Variants in SUGCT observed in about 807,000 individuals in gnomAD.
SUGCT encodes succinyl-CoA:glutarate CoA-transferase.
SUGCT carries 41 observed loss-of-function variants against 55.0 expected under a neutral mutation model. The observed-to-expected ratio is 0.74, with a 90% confidence interval of 0.58 to 0.97. The LOEUF is 0.97. Ranked by LOEUF, SUGCT falls within the 50% of genes least tolerant of loss-of-function variation. The probability of loss-of-function intolerance (pLI) is 0.00; values close to 1 mark genes in which losing one functional copy is unlikely to be tolerated. For missense variants in SUGCT, 568 were observed against 547.8 expected (o/e 1.04, Z -0.37); for synonymous variants, 187 against 200.4 (o/e 0.93, Z 0.56).
chr7:40,250,242 A>G (rs897379810), intron 7 of SUGCT, among the ~76,000 whole-genome samples: 2 of 152,124 alleles, frequency 1.3e-5, no homozygotes, highest in African/African-American at 2.4e-5. Flanking sequence ...TACAAAAAAT[A>G]CAAAAAAATT....
intron 13 of SUGCT, among the ~76,000 whole-genome samples, chr7:40,832,011 G>C (rs895805755): frequency 7.2e-5 from 11 of 152,190 alleles, no homozygotes; most frequent in Admixed American, 5.2e-4. Context: ...ATGTTGGGGG[G>C]TCTTGGGTGT....
At chr7:40,940,258 A>C in the SUGCT span, among the ~76,000 whole-genome samples, 1 of 152,292 alleles carries the variant, frequency 6.6e-6, no homozygotes, top group African/African-American at 2.4e-5. Flanking sequence ...TAACAGGACT[A>C]TGCTGCTTTG....
intron 8 of SUGCT, among the ~76,000 whole-genome samples, chr7:40,301,153 G>T (rs73320511): frequency 0.012 from 1,825 of 152,166 alleles, 29 homozygotes; most frequent in African/African-American, 0.042. Context: ...TTTAGTGTGT[G>T]TCTTTTACAC....
intron 12 of SUGCT, among the ~76,000 whole-genome samples, chr7:40,727,613 A>T (rs1028946044): frequency 2.1e-4 from 32 of 152,212 alleles, no homozygotes; most frequent in African/African-American, 7.2e-4. Context: ...TTCAGATTAG[A>T]ACTGAGTTTT....
chr7:40,257,709 C>T (rs1424495967), intron 7 of SUGCT, among the ~76,000 whole-genome samples: 1 of 151,912 alleles, frequency 6.6e-6, no homozygotes, highest in Non-Finnish European at 1.5e-5. Flanking sequence ...AACCCCGTCT[C>T]TACAAAAATA....
intron 12 of SUGCT, among the ~76,000 whole-genome samples, chr7:40,700,535 C>T (rs1018285926): frequency 1.3e-5 from 2 of 152,186 alleles, no homozygotes; most frequent in African/African-American, 4.8e-5. Flanking sequence ...ATTTGCTCTG[C>T]TTTCAAATCA....
At chr7:40,284,130 C>T (rs904967934) in intron 8 of SUGCT, among the ~76,000 whole-genome samples, 3 of 150,420 alleles carry the variant, frequency 2.0e-5, no homozygotes, top group Admixed American at 6.7e-5. Context: ...ATGGTGGTTG[C>T]CAGGGGCTGG....
chr7:40,382,190 A>G (rs541351304), intron 9 of SUGCT, among the ~76,000 whole-genome samples: 5 of 152,222 alleles, frequency 3.3e-5, no homozygotes, highest in African/African-American at 9.6e-5. Context: ...AAGAGTTTTT[A>G]TGGGCATGTG....
At chr7:40,771,877 G>A (rs1308888434) in intron 13 of SUGCT, among the ~76,000 whole-genome samples, 1 of 152,122 alleles carries the variant, frequency 6.6e-6, no homozygotes, top group East Asian at 1.9e-4. Context: ...TTTCTTCAGG[G>A]TATTCGATGG....
At chr7:40,916,604 A>G in the SUGCT span, among the ~76,000 whole-genome samples, 15 of 152,228 alleles carry the variant, frequency 9.9e-5, no homozygotes, top group Admixed American at 9.8e-4. Flanking sequence ...ACACTTGAAT[A>G]CTTCTCTTTC....
At chr7:40,230,413 A>T (rs780939398) in intron 6 of SUGCT, among the ~76,000 whole-genome samples, 1 of 152,192 alleles carries the variant, frequency 6.6e-6, no homozygotes, top group Non-Finnish European at 1.5e-5. Context: ...TCCTACAGGC[A>T]ATTTCGTAAG....
At chr7:40,687,117 T>G (rs1784501777) in intron 12 of SUGCT, among the ~76,000 whole-genome samples, 1 of 152,184 alleles carries the variant, frequency 6.6e-6, no homozygotes, top group African/African-American at 2.4e-5. Flanking sequence ...TGTTACCATC[T>G]ATCATCATCT....
chr7:40,603,842 C>G (rs1179215745), intron 12 of SUGCT, among the ~76,000 whole-genome samples: 1 of 152,214 alleles, frequency 6.6e-6, no homozygotes, highest in Non-Finnish European at 1.5e-5. Flanking sequence ...TTTTCTATTT[C>G]TAGAATGATC....
chr7:40,272,236 G>C (rs73318545), intron 7 of SUGCT, among the ~76,000 whole-genome samples: 3,673 of 129,776 alleles, frequency 0.028, 78 homozygotes, highest in Middle Eastern at 0.074. Context: ...GCAGTGGCAT[G>C]ATCATAGCTC....
intron 1 of SUGCT, among the ~76,000 whole-genome samples, chr7:40,174,177 C>T (rs1289852674): frequency 1.3e-5 from 2 of 152,080 alleles, no homozygotes; most frequent in Admixed American, 1.3e-4. Context: ...TGTGCGCCAC[C>T]ATGCCTGGCT....
chr7:40,724,066 A>C (rs1173186230), intron 12 of SUGCT, among the ~76,000 whole-genome samples: 3 of 152,244 alleles, frequency 2.0e-5, no homozygotes, highest in Non-Finnish European at 4.4e-5. Flanking sequence ...AAAGATATTT[A>C]TGCTAAGGAC....
intron 13 of SUGCT, among the ~76,000 whole-genome samples, chr7:40,840,473 C>CAAA (rs200374763): frequency 0.036 from 4,455 of 124,850 alleles, 89 homozygotes; most frequent in Middle Eastern, 0.064. Flanking sequence ...GAGGAAGACT[C>CAAA]AAAAAAAAAA....
At chr7:41,001,157 CATT>C in the SUGCT span, among the ~76,000 whole-genome samples, 1 of 152,028 alleles carries the variant, frequency 6.6e-6, no homozygotes. Flanking sequence ...AGTCTGAAAA[CATT>C]ACTCAGTTAA....
At chr7:40,575,684 G>T (rs1467573967) in intron 12 of SUGCT, among the ~76,000 whole-genome samples, 1 of 152,156 alleles carries the variant, frequency 6.6e-6, no homozygotes, top group Non-Finnish European at 1.5e-5. Context: ...GGTGGCTCAT[G>T]CCTGTAATCC....
Sources: gnomAD v4.1 joint callset for allele counts (sites outside exome capture counted in the v4.1 genomes callset) on GRCh38, gnomAD v4.1.1 for gene constraint, MANE v1.5 for transcripts, NCBI Gene and HGNC (gene_info 2026-07-23, HGNC 2026-07-21) for gene names.